The following TMEM156 variants were observed in gnomAD, a reference collection of about 807,000 sequenced individuals.
TMEM156 encodes transmembrane protein 156.
In TMEM156, 28 loss-of-function variants were observed where a neutral mutation model predicts 30.5. That is an observed-to-expected ratio of 0.92 (90% CI 0.68 to 1.26). The LOEUF (loss-of-function observed/expected upper bound fraction) is 1.26, where lower values mean the gene tolerates loss of function less well. Ranked by LOEUF, TMEM156 falls within the 50% of genes most tolerant of loss-of-function variation. TMEM156 has a pLI of 0.00. For synonymous variants in TMEM156, 137 were observed against 119.9 expected, an observed-to-expected ratio of 1.14 and a Z score of -0.93; for missense variants, 351 against 340.6, an observed-to-expected ratio of 1.03 and a Z score of -0.24.
intron 3 of TMEM156, among the ~76,000 whole-genome samples, chr4:38,990,018 C>A (rs936075985): frequency 2.0e-5 from 3 of 152,172 alleles, no homozygotes; most frequent in Non-Finnish European, 1.5e-5. Context: ...TAGTCTTGAA[C>A]TCCTGGCCTC....
At chr4:39,015,647 G>A (rs766270563) in intron 1 of TMEM156, among the ~76,000 whole-genome samples, 1 of 152,176 alleles carries the variant, frequency 6.6e-6, no homozygotes, top group Non-Finnish European at 1.5e-5. Flanking sequence ...AAGCCACTAA[G>A]TTTATGATCA....
chr4:39,003,943 G>A (rs1473952565), intron 1 of TMEM156, among the ~76,000 whole-genome samples: 1 of 152,134 alleles, frequency 6.6e-6, no homozygotes, highest in Non-Finnish European at 1.5e-5. Flanking sequence ...ATTGATGACA[G>A]ATCCTTTATA....
intron 5 of TMEM156, among the ~76,000 whole-genome samples, chr4:38,979,801 T>C (rs1723087224): frequency 6.6e-6 from 1 of 152,256 alleles, no homozygotes. Flanking sequence ...AAGACAGCTG[T>C]GAAAATTTTC....
chr4:39,007,661 G>A (rs1311336037), intron 1 of TMEM156, among the ~76,000 whole-genome samples: 2 of 151,978 alleles, frequency 1.3e-5, no homozygotes, highest in Non-Finnish European at 2.9e-5. Flanking sequence ...GTTTCACCAT[G>A]TTGGCCAGGA....
intron 1 of TMEM156, among the ~76,000 whole-genome samples, chr4:39,014,894 T>C (rs561061223): frequency 2.4e-4 from 36 of 152,194 alleles, no homozygotes; most frequent in Non-Finnish European, 4.1e-4. Context: ...ATCTGTTTGG[T>C]CTGTTTCTTG....
At chr4:39,010,409 T>C (rs1200960468) in intron 1 of TMEM156, among the ~76,000 whole-genome samples, 1 of 152,068 alleles carries the variant, frequency 6.6e-6, no homozygotes, top group African/African-American at 2.4e-5. Context: ...AAAATTCATA[T>C]GAACCACCCA....
At chr4:39,021,320 C>T (rs1390410340) in intron 1 of TMEM156, among the ~76,000 whole-genome samples, 2 of 151,004 alleles carry the variant, frequency 1.3e-5, no homozygotes, top group Non-Finnish European at 2.9e-5. Context: ...GGGTGGACCG[C>T]TTGAGCCCTG....
intron 5 of TMEM156, among the ~76,000 whole-genome samples, chr4:38,973,088 G>T (rs1027322286): frequency 6.6e-6 from 1 of 152,180 alleles, no homozygotes; most frequent in Non-Finnish European, 1.5e-5. Flanking sequence ...CCTAATGTGA[G>T]TGTGAGATCT....
At chr4:38,969,104 A>G (rs1324231972) in intron 6 of TMEM156, among the ~76,000 whole-genome samples, 1 of 152,234 alleles carries the variant, frequency 6.6e-6, no homozygotes, top group Admixed American at 6.5e-5. Flanking sequence ...CCCAAGTACA[A>G]TACATTTTTG....
Position 38,992,680 on chromosome 4 carries a change from TATTATATAATATATTATATA to T in TMEM156, c.619+1038_619+1057del, listed in dbSNP as rs1467614331. Among the ~76,000 whole-genome samples, 125 of 54,894 alleles carry T rather than the reference TATTATATAATATATTATATA, an allele frequency of 2.3e-3. 1 individual carries two copies. Among genetic ancestry groups the T allele is most frequent in the Middle Eastern group, 8.5e-3 (1 of 118 alleles). The allele number at this position is 54,894 out of a possible 152,430, so 36.0% of individuals were successfully genotyped here. On this transcript the variant is annotated intron_variant, in intron 3 of 6. Coordinates refer to ENST00000381938, the MANE Select transcript of TMEM156 (RefSeq NM_024943.3). ...CAATGTGCTACATATATATATAATATATTATATAATATATTATATAATATATATATATTATATATATATAA... is the reference window on the plus strand; with the variant it reads ...CAATGTGCTACATATATATATAATATATATATATATATTATATATATATAA...
chr4:39,017,575 T>C (rs946935489), intron 1 of TMEM156, among the ~76,000 whole-genome samples: 5 of 152,190 alleles, frequency 3.3e-5, no homozygotes, highest in Non-Finnish European at 7.3e-5. Flanking sequence ...CTATTTGAAT[T>C]GTTTGAATTG....
intron 5 of TMEM156, among the ~76,000 whole-genome samples, chr4:38,974,916 G>A (rs183445118): frequency 7.9e-5 from 12 of 151,950 alleles, no homozygotes; most frequent in South Asian, 4.2e-4. Flanking sequence ...CAGGTGAACC[G>A]CCCACCTCGG....
intron 1 of TMEM156, among the ~76,000 whole-genome samples, chr4:39,029,030 A>G (rs1260182021): frequency 1.3e-5 from 2 of 152,194 alleles, no homozygotes; most frequent in Non-Finnish European, 2.9e-5. Context: ...CCTACTAATA[A>G]TTACTCAGAG....
intron 1 of TMEM156, among the ~76,000 whole-genome samples, chr4:39,021,625 C>A (rs1005115468): frequency 6.6e-6 from 1 of 152,114 alleles, no homozygotes; most frequent in Non-Finnish European, 1.5e-5. Context: ...CTTTGCTATG[C>A]AGAAGATTTT....
chr4:38,978,210 C>T (rs1297052607), intron 5 of TMEM156, among the ~76,000 whole-genome samples: 1 of 152,114 alleles, frequency 6.6e-6, no homozygotes, highest in Non-Finnish European at 1.5e-5. Flanking sequence ...ATCTCCAAAA[C>T]TACTTGTTCA....
At chr4:39,030,900 A>G (rs1715469717) in intron 1 of TMEM156, among the ~76,000 whole-genome samples, 1 of 152,258 alleles carries the variant, frequency 6.6e-6, no homozygotes, top group African/African-American at 2.4e-5. Context: ...AATATGTGCT[A>G]TGATTGCTTC....
intron 2 of TMEM156, 91 bp from the exon 3 acceptor site, chr4:38,994,089 T>C: frequency 8.7e-7 from 1 of 1,153,446 alleles, no homozygotes; most frequent in South Asian, 1.6e-5. Flanking sequence ...TTCCTTTCTA[T>C]ACAAGAAAGT....
chr4:38,980,829 G>A (rs1044746257), intron 5 of TMEM156: 1 of 719,400 alleles, frequency 1.4e-6, no homozygotes, highest in African/African-American at 1.9e-5. Flanking sequence ...GATGGTTCAG[G>A]CAGGGACAAT....
chr4:38,988,633 C>T (rs1278525387), intron 4 of TMEM156, among the ~76,000 whole-genome samples: 1 of 129,346 alleles, frequency 7.7e-6, no homozygotes, highest in Non-Finnish European at 1.8e-5. Context: ...CCTATTCACC[C>T]AGTCTTTCTT....
Sources: allele counts gnomAD v4.1 joint callset (sites outside exome capture counted in the v4.1 genomes callset), GRCh38; gene constraint gnomAD v4.1.1; transcripts MANE v1.5; gene names NCBI Gene and HGNC (gene_info 2026-07-23, HGNC 2026-07-21).